Variants in PDE4D observed in about 807,000 individuals in gnomAD.
PDE4D encodes the protein phosphodiesterase 4D, also known as 3',5'-cyclic-AMP phosphodiesterase 4D.
In PDE4D, 24 loss-of-function variants were observed where a neutral mutation model predicts 87.4. That is an observed-to-expected ratio of 0.27 (90% CI 0.20 to 0.39). PDE4D has a LOEUF of 0.39. Among genes scored for constraint, PDE4D ranks in the 10% least tolerant of loss-of-function variants. The pLI, the probability that PDE4D is intolerant of heterozygous loss-of-function variation, is 1.00. For synonymous variants in PDE4D, 384 were observed against 383.2 expected (o/e 1.00, Z -0.02); for missense variants, 714 against 1,041.0 (o/e 0.69, Z 4.32).
intron 1 of PDE4D, among the ~76,000 whole-genome samples, chr5:59,411,839 T>C (rs1327888782): frequency 6.6e-6 from 1 of 152,232 alleles, no homozygotes; most frequent in East Asian, 1.9e-4. Context: ...TTCTTAACAC[T>C]ACGCCAAATG....
intron 1 of PDE4D, among the ~76,000 whole-genome samples, chr5:60,317,220 G>T (rs577945718): frequency 6.6e-6 from 1 of 152,186 alleles, no homozygotes; most frequent in African/African-American, 2.4e-5. Flanking sequence ...TCTTGGGAGG[G>T]TGTATTTGTC....
chr5:59,923,980 CAAGAT>C (rs775607633), intron 3 of PDE4D, among the ~76,000 whole-genome samples: 3 of 152,086 alleles, frequency 2.0e-5, no homozygotes, highest in Non-Finnish European at 4.4e-5. Flanking sequence ...CAGTGAAACT[CAAGAT>C]AATACAGAGA....
rs192515132 is a variant in PDE4D at position 59,334,115 on chromosome 5, G to A, written c.456-118147C>T. ...AAAGGCATACAATCATTATATCTCT[G>A]AGTGTTTTTAAATTTAATAGTTTTT... On this transcript the variant is annotated intron_variant, in intron 1 of 14. Transcript: ENST00000340635. 3.5e-3 allele frequency among the ~76,000 whole-genome samples: 524 copies of A among 151,870 alleles called. 3 individuals carry two copies. The highest frequency in any genetic ancestry group is 0.02 in the Middle Eastern group (6 of 294).
Position 59,818,870 on chromosome 5 carries a change from T to TTA in PDE4D, c.455+74297_455+74298insTA, listed in dbSNP as rs1432283002. Among the ~76,000 whole-genome samples the TTA allele has an allele frequency of 2.8e-3, 398 of 141,858 alleles. 4 individuals carry two copies. Among genetic ancestry groups the TTA allele is most frequent in the African/African-American group, 9.9e-3 (381 of 38,356 alleles). The allele number at this position is 141,858 out of a possible 152,430, so 93.1% of individuals were successfully genotyped here. On this transcript the variant is annotated intron_variant, in intron 1 of 14. Coordinates refer to ENST00000340635, the MANE Select transcript of PDE4D (RefSeq NM_001104631.2). Reference sequence around the variant, plus strand: ...GGGAAGAGCAAAAAAAAAAAGTAGATAAAAAAAAAAACACAAGAAATAGAG... The same window carrying TTA: ...GGGAAGAGCAAAAAAAAAAAGTAGATTAAAAAAAAAAAACACAAGAAATAGAG...
intron 1 of PDE4D, among the ~76,000 whole-genome samples, chr5:59,822,091 C>G (rs189758020): frequency 6.6e-6 from 1 of 152,158 alleles, no homozygotes; most frequent in Non-Finnish European, 1.5e-5. Context: ...TTTGGAATGA[C>G]AGGCTACTGT....
At chr5:58,988,937 TAGTA>T (rs1404633676) in intron 10 of PDE4D, among the ~76,000 whole-genome samples, 1 of 152,210 alleles carries the variant, frequency 6.6e-6, no homozygotes, top group Non-Finnish European at 1.5e-5. Flanking sequence ...TACATAAAAT[TAGTA>T]AGACATTAGC....
At chr5:60,290,281 A>G (rs1752776607) in intron 1 of PDE4D, among the ~76,000 whole-genome samples, 1 of 152,228 alleles carries the variant, frequency 6.6e-6, no homozygotes, top group Non-Finnish European at 1.5e-5. Flanking sequence ...TCATCTGAGA[A>G]GTAAATGATT....
chr5:59,684,691 T>A (rs1283098022), intron 1 of PDE4D, among the ~76,000 whole-genome samples: 9 of 152,240 alleles, frequency 5.9e-5, no homozygotes, highest in African/African-American at 2.2e-4. Flanking sequence ...GGGCCCCAAC[T>A]GATGCCTCTG....
intron 1 of PDE4D, among the ~76,000 whole-genome samples, chr5:60,251,404 A>G (rs946253994): frequency 6.6e-6 from 1 of 151,754 alleles, no homozygotes; most frequent in Non-Finnish European, 1.5e-5. Flanking sequence ...GTTCTCCTCT[A>G]TGAGTCCATG....
intron 1 of PDE4D, among the ~76,000 whole-genome samples, chr5:59,403,067 C>T (rs114741549): frequency 6.6e-6 from 1 of 151,972 alleles, no homozygotes; most frequent in Non-Finnish European, 1.5e-5. Context: ...GACATTATCA[C>T]CAATTTTTCT....
intron 1 of PDE4D, among the ~76,000 whole-genome samples, chr5:60,424,492 C>T (rs74373243): frequency 4.6e-5 from 7 of 152,158 alleles, no homozygotes; most frequent in African/African-American, 9.7e-5. Context: ...GCCCTTCATG[C>T]TAAAAACTCT....
At chr5:59,713,555 C>T (rs901000363) in intron 1 of PDE4D, among the ~76,000 whole-genome samples, 4 of 152,180 alleles carry the variant, frequency 2.6e-5, no homozygotes, top group African/African-American at 9.7e-5. Context: ...CACTGACTCC[C>T]CTCAGACCTC....
intron 1 of PDE4D, among the ~76,000 whole-genome samples, chr5:59,422,322 C>T (rs1022894729): frequency 5.3e-5 from 8 of 152,132 alleles, no homozygotes; most frequent in Admixed American, 2.0e-4. Flanking sequence ...CACCACTAAA[C>T]TATTTTCCTT....
intron 11 of PDE4D, among the ~76,000 whole-genome samples, chr5:58,986,958 G>GAT (rs1227900826): frequency 1.7e-5 from 1 of 58,412 alleles, no homozygotes; most frequent in Non-Finnish European, 4.0e-5. Flanking sequence ...TGGTGTTTAA[G>GAT]ATAGATATAT....
intron 3 of PDE4D, among the ~76,000 whole-genome samples, chr5:59,916,118 C>G (rs576083856): frequency 6.6e-6 from 1 of 152,076 alleles, no homozygotes; most frequent in Admixed American, 6.6e-5. Context: ...TATGAGAATG[C>G]TTTTTTTCCT....
At chr5:59,566,318 T>C (rs1454993016) in intron 1 of PDE4D, among the ~76,000 whole-genome samples, 2 of 152,184 alleles carry the variant, frequency 1.3e-5, no homozygotes, top group African/African-American at 4.8e-5. Context: ...GCTCTTCTGC[T>C]GCCTTTATAT....
intron 2 of PDE4D, among the ~76,000 whole-genome samples, chr5:60,059,040 A>ATGTGTGTGTGTGTGTGTG (rs70975363): frequency 0.029 from 4,164 of 142,308 alleles, 71 homozygotes; most frequent in East Asian, 0.058. Context: ...GCATTGTCAT[A>ATGTGTGTGTGTGTGTGTG]TGTGTGTGTG....
chr5:60,416,597 CTCCGAACACA>C (rs1173595114), intron 1 of PDE4D, among the ~76,000 whole-genome samples: 1 of 152,190 alleles, frequency 6.6e-6, no homozygotes, highest in African/African-American at 2.4e-5. Context: ...AAGGAGGAAA[CTCCGAACACA>C]TCCGAACATC....
At chr5:59,806,479 T>C (rs1291384530) in intron 1 of PDE4D, among the ~76,000 whole-genome samples, 1 of 152,212 alleles carries the variant, frequency 6.6e-6, no homozygotes, top group Non-Finnish European at 1.5e-5. Context: ...AGGCATAAAC[T>C]GAAGGGCTAA....
Sources: gnomAD v4.1 joint callset for allele counts (sites outside exome capture counted in the v4.1 genomes callset) on GRCh38, gnomAD v4.1.1 for gene constraint, MANE v1.5 for transcripts, NCBI Gene and HGNC (gene_info 2026-07-23, HGNC 2026-07-21) for gene names.